MAST4: variants seen among roughly 807,000 people sequenced by gnomAD.
The protein encoded by MAST4 is microtubule-associated serine/threonine-protein kinase 4.
A neutral mutation model predicts 162.7 loss-of-function variants in MAST4; 89 were observed. The ratio of observed to expected loss-of-function variants is 0.55; its 90% CI spans 0.46 to 0.65. MAST4 has a LOEUF of 0.65. Ranked by LOEUF, MAST4 falls within the 30% of genes least tolerant of loss-of-function variation. The pLI is 0.00. For missense variants in MAST4, 3,153 were observed against 3,374.0 expected, an observed-to-expected ratio of 0.93 and a Z score of 1.62; for synonymous variants, 1,479 against 1,361.1, an observed-to-expected ratio of 1.09 and a Z score of -1.91.
intron 4 of MAST4, among the ~76,000 whole-genome samples, chr5:67,022,411 C>CA (rs33917245): frequency 0.22 from 31,165 of 143,500 alleles, 3,857 homozygotes; most frequent in African/African-American, 0.36. Flanking sequence ...TTTTCTCTAC[C>CA]AAAAAAAAAA....
At chr5:66,880,201 TA>T (rs1393114360) in intron 3 of MAST4, among the ~76,000 whole-genome samples, 1 of 152,188 alleles carries the variant, frequency 6.6e-6, no homozygotes, top group East Asian at 1.9e-4. Context: ...TCATTTGCTG[TA>T]AAAGTAGGAG....
intron 4 of MAST4, among the ~76,000 whole-genome samples, chr5:67,013,674 T>C (rs2150360663): frequency 6.6e-6 from 1 of 151,686 alleles, no homozygotes; most frequent in Admixed American, 6.5e-5. Context: ...AAATCACTTA[T>C]GCCCCTTTCA....
chr5:67,036,296 T>G (rs1363914097), intron 4 of MAST4, among the ~76,000 whole-genome samples: 1 of 152,150 alleles, frequency 6.6e-6, no homozygotes, highest in Non-Finnish European at 1.5e-5. Context: ...GACATCAGCT[T>G]TTCTTTGTAA....
chr5:66,701,118 G>A (rs1749751058), intron 1 of MAST4, among the ~76,000 whole-genome samples: 3 of 151,966 alleles, frequency 2.0e-5, no homozygotes. Context: ...TTTTATTGAA[G>A]TCATTACTAG....
At chr5:66,926,907 G>C (rs1435716800) in intron 4 of MAST4, among the ~76,000 whole-genome samples, 1 of 152,182 alleles carries the variant, frequency 6.6e-6, no homozygotes, top group African/African-American at 2.4e-5. Flanking sequence ...CGTCTGAGGG[G>C]AGAGAGGGAA....
chr5:67,153,309 A>C, intron 25 of MAST4, 149 bp from the exon 26 acceptor site: 1 of 790,732 alleles, frequency 1.3e-6, no homozygotes, highest in East Asian at 3.1e-5. Flanking sequence ...TAGAATAATG[A>C]TAGAATAGGA....
At chr5:66,634,748 C>A (rs749329494) in intron 1 of MAST4, among the ~76,000 whole-genome samples, 9 of 152,190 alleles carry the variant, frequency 5.9e-5, no homozygotes, top group East Asian at 1.9e-4. Context: ...GCTACCTGAA[C>A]CTTGGGGCTG....
chr5:66,868,973 G>A (rs1404907448), intron 3 of MAST4, among the ~76,000 whole-genome samples: 1 of 152,164 alleles, frequency 6.6e-6, no homozygotes, highest in Non-Finnish European at 1.5e-5. Flanking sequence ...GGAGTCAGAA[G>A]AAGAGCAATA....
In MAST4 at chr5:67,166,897, C is replaced by G. The variant is rs762514585; in HGVS notation, c.7718C>G (p.Ala2573Gly). ...KDPAPAQPPP[A>G]RKQNVGRDVT... ...CCTGCCCCAGCCCAGCCTCCCCCAG[C>G]TAGGAAACAGAACGTGGGCAGAGAC... The change falls in exon 29 of 29, where the codon GCT (alanine) becomes GGT (glycine). Residue 2573 changes from alanine to glycine, a missense_variant. Coordinates refer to ENST00000403625, the MANE Select transcript of MAST4 (RefSeq NM_001164664.2). 1.2e-6 allele frequency: 2 copies of G among 1,610,936 alleles called. No individual in the cohort carries two copies. Among genetic ancestry groups the G allele is most frequent in the Non-Finnish European group, 1.7e-6 (2 of 1,178,920 alleles).
intron 3 of MAST4, among the ~76,000 whole-genome samples, chr5:66,796,468 A>C (rs979845728): frequency 2.0e-5 from 3 of 152,134 alleles, no homozygotes; most frequent in African/African-American, 7.2e-5. Flanking sequence ...CCTGGAAAGG[A>C]TTGGGCACCA....
At chr5:66,659,195 T>G (rs911677027) in intron 1 of MAST4, among the ~76,000 whole-genome samples, 5 of 152,132 alleles carry the variant, frequency 3.3e-5, no homozygotes, top group African/African-American at 1.2e-4. Context: ...AGGAACAGCC[T>G]GAAGCCTGGA....
At chr5:66,981,152 A>ATGTGACTTTGAGTGGC (rs1748767211) in intron 4 of MAST4, among the ~76,000 whole-genome samples, 1 of 151,260 alleles carries the variant, frequency 6.6e-6, no homozygotes, top group Non-Finnish European at 1.5e-5. Context: ...ATGGTAAAAC[A>ATGTGACTTTGAGTGGC]TGTGACTTTG....
intron 1 of MAST4, among the ~76,000 whole-genome samples, chr5:66,603,062 C>T (rs1393071185): frequency 6.6e-6 from 1 of 152,198 alleles, no homozygotes; most frequent in African/African-American, 2.4e-5. Context: ...TTGGTACCAT[C>T]AGCACCATAG....
At chr5:67,110,700 C>G (rs1291367577) in intron 11 of MAST4, among the ~76,000 whole-genome samples, 1 of 152,210 alleles carries the variant, frequency 6.6e-6, no homozygotes, top group Admixed American at 6.5e-5. Flanking sequence ...AGGAATGAGA[C>G]TTTTATAGAT....
At chr5:66,999,463 TA>T (rs1751037112) in intron 4 of MAST4, among the ~76,000 whole-genome samples, 1 of 152,236 alleles carries the variant, frequency 6.6e-6, no homozygotes, top group Admixed American at 6.5e-5. Flanking sequence ...TCTTCTCTTA[TA>T]TTTTGTTAGC....
At chr5:67,014,602 C>G (rs1160373427) in intron 4 of MAST4, among the ~76,000 whole-genome samples, 1 of 152,214 alleles carries the variant, frequency 6.6e-6, no homozygotes, top group Non-Finnish European at 1.5e-5. Context: ...GATGCCTTCT[C>G]TCCTGTGAAG....
At chr5:66,676,707 G>A (rs908541998) in intron 1 of MAST4, among the ~76,000 whole-genome samples, 1 of 152,164 alleles carries the variant, frequency 6.6e-6, no homozygotes, top group African/African-American at 2.4e-5. Context: ...ACAAGTGGCT[G>A]CTCTTTAGGA....
intron 4 of MAST4, among the ~76,000 whole-genome samples, chr5:66,985,437 T>G (rs1286945822): frequency 6.6e-6 from 1 of 152,216 alleles, no homozygotes; most frequent in Non-Finnish European, 1.5e-5. Flanking sequence ...TAGATTTTCC[T>G]GCTGGGCAAA....
At chr5:66,959,193 G>A (rs1026132160) in intron 4 of MAST4, 11 of 779,092 alleles carry the variant, frequency 1.4e-5, no homozygotes, top group Middle Eastern at 2.3e-4. Context: ...TCACCGGGAC[G>A]CTGGCAGGGA....
Sources: gnomAD v4.1 joint callset for allele counts (sites outside exome capture counted in the v4.1 genomes callset) on GRCh38, gnomAD v4.1.1 for gene constraint, MANE v1.5 for transcripts, NCBI Gene and HGNC (gene_info 2026-07-23, HGNC 2026-07-21) for gene names.